The following NTRK2 variants were observed in gnomAD, a reference collection of about 807,000 sequenced individuals.
NTRK2 encodes the protein neurotrophic receptor tyrosine kinase 2.
In NTRK2, 13 loss-of-function variants were observed where a neutral mutation model predicts 94.5. The ratio of observed to expected loss-of-function variants is 0.14; its 90% CI spans 0.09 to 0.22. NTRK2 has a LOEUF of 0.22. Among genes scored for constraint, NTRK2 ranks in the 10% least tolerant of loss-of-function variants. The pLI is 1.00. For synonymous variants in NTRK2, 372 were observed against 407.4 expected, an observed-to-expected ratio of 0.91 and a Z score of 1.05; for missense variants, 639 against 1,071.2, an observed-to-expected ratio of 0.60 and a Z score of 5.63.
intron 2 of NTRK2, among the ~76,000 whole-genome samples, chr9:84,675,323 C>CTTTTTTTT (rs1564023863): frequency 1.4e-5 from 1 of 69,560 alleles, no homozygotes; most frequent in African/African-American, 5.6e-5. Context: ...TTCTTTCTTT[C>CTTTTTTTT]CTTTTTTTTT....
intron 17 of NTRK2, among the ~76,000 whole-genome samples, chr9:85,005,212 A>T (rs1830824615): frequency 6.6e-6 from 1 of 152,216 alleles, no homozygotes; most frequent in Admixed American, 6.5e-5. Context: ...TCCCTCCTGA[A>T]CAAGACTCAG....
intron 2 of NTRK2, among the ~76,000 whole-genome samples, chr9:84,686,536 G>A (rs1466590714): frequency 1.3e-5 from 2 of 152,216 alleles, no homozygotes; most frequent in African/African-American, 4.8e-5. Context: ...CACTTAAAAG[G>A]CAATTCTGGT....
At chr9:84,762,926 G>A (rs757186807) in intron 12 of NTRK2, among the ~76,000 whole-genome samples, 1 of 152,112 alleles carries the variant, frequency 6.6e-6, no homozygotes, top group Non-Finnish European at 1.5e-5. Context: ...GTGTGGCCTT[G>A]GTGGTAATTT....
In NTRK2 at chr9:85,021,273, G is replaced by T; in HGVS notation, c.2353G>T (p.Gly785Cys). The T allele has an allele frequency of 6.2e-7, 1 of 1,613,882 alleles. No individual in the cohort carries two copies. The highest frequency in any genetic ancestry group is 8.5e-7 in the Non-Finnish European group (1 of 1,179,980). The change falls in exon 19 of 19, where the codon GGC becomes TGC. Residue 785 changes from glycine (G) to cysteine (C), a missense_variant. By Grantham distance (159) the Gly-to-Cys change is radical (BLOSUM62 -3). Transcript: ENST00000277120. The stretch of plus-strand genomic sequence containing the variant: ...CCAGGTGATAGAGTGTATCACTCAG[G>T]GCCGAGTCCTGCAGCGACCCCGCAC... ...NNEVIECITQ[G>C]RVLQRPRTCP...
At chr9:84,867,169 A>C in intron 13 of NTRK2, 74 bp from the exon 14 acceptor site, 1 of 1,449,634 alleles carries the variant, frequency 6.9e-7, no homozygotes. Context: ...TAAATGGGTA[A>C]ATTTTATGTA....
At chr9:84,734,869 A>T (rs61229942) in intron 9 of NTRK2, among the ~76,000 whole-genome samples, 58 of 152,244 alleles carry the variant, frequency 3.8e-4, no homozygotes, top group African/African-American at 1.2e-3. Context: ...CCCTTTAAGG[A>T]GAAAATTAAG....
At chr9:84,797,838 A>G (rs1315206597) in intron 12 of NTRK2, among the ~76,000 whole-genome samples, 1 of 97,732 alleles carries the variant, frequency 1.0e-5, no homozygotes, top group Non-Finnish European at 1.9e-5. Flanking sequence ...ATAATAATAT[A>G]TATATTATAT....
intron 2 of NTRK2, among the ~76,000 whole-genome samples, chr9:84,699,812 C>T (rs1380340569): frequency 6.6e-6 from 1 of 151,778 alleles, no homozygotes; most frequent in East Asian, 1.9e-4. Flanking sequence ...GACATCTCTA[C>T]CCCTGTCTTT....
rs4877888 is a variant in NTRK2, at chr9:84,932,663, C to T, written c.1634-1499C>T. Among the ~76,000 whole-genome samples the T allele has an allele frequency of 8.9e-3, 1,362 of 152,270 alleles. 14 individuals are homozygous for T. The highest frequency in any genetic ancestry group is 0.018 in the Admixed American group (270 of 15,298). On this transcript the variant is annotated intron_variant, in intron 14 of 18. Transcript: ENST00000277120. Reference sequence around the variant, plus strand: ...GAGGCATCAGGAGATATTTAGGGCTCGGTCTTAACCTTGGGAGCTTACAGA... The same window carrying T: ...GAGGCATCAGGAGATATTTAGGGCTTGGTCTTAACCTTGGGAGCTTACAGA...
chr9:84,959,088 T>A (rs772897839), intron 17 of NTRK2, among the ~76,000 whole-genome samples: 1 of 152,188 alleles, frequency 6.6e-6, no homozygotes, highest in African/African-American at 2.4e-5. Context: ...TAATGTGTTC[T>A]CCTTATGATT....
At chr9:84,740,738 CT>C (rs1211145554) in intron 9 of NTRK2, among the ~76,000 whole-genome samples, 1 of 152,190 alleles carries the variant, frequency 6.6e-6, no homozygotes, top group Non-Finnish European at 1.5e-5. Flanking sequence ...TTTTTTTTCC[CT>C]GCTAAAATAG....
intron 12 of NTRK2, among the ~76,000 whole-genome samples, chr9:84,821,133 A>T (rs910305624): frequency 3.3e-5 from 5 of 151,860 alleles, no homozygotes; most frequent in Admixed American, 6.6e-5. Context: ...ATCTTTTTTT[A>T]AAAAAATCAT....
At chr9:84,962,488 C>G (rs1825061438) in intron 17 of NTRK2, among the ~76,000 whole-genome samples, 1 of 151,250 alleles carries the variant, frequency 6.6e-6, no homozygotes, top group Non-Finnish European at 1.5e-5. Context: ...CTTGTGTCCC[C>G]TTTTTTTTTG....
At chr9:84,895,808 C>A (rs1171661663) in intron 14 of NTRK2, among the ~76,000 whole-genome samples, 1 of 152,196 alleles carries the variant, frequency 6.6e-6, no homozygotes, top group African/African-American at 2.4e-5. Flanking sequence ...GGCTTGCTTG[C>A]TGCATGGAGG....
chr9:84,821,603 G>A (rs998868712), intron 12 of NTRK2, among the ~76,000 whole-genome samples: 2 of 152,188 alleles, frequency 1.3e-5, no homozygotes, highest in African/African-American at 4.8e-5. Flanking sequence ...GCTCCAAGAT[G>A]TAAGGATTGA....
rs566783669 is a variant in NTRK2 at position 84,784,470 on chromosome 9, G to A, written c.1396+32385G>A. On this transcript the variant is annotated intron_variant, in intron 12 of 18. Transcript: ENST00000277120. ...GGTACTCTTTCTTCATGGTGCTGTG[G>A]TGGAAGTGAAATTAGATTATGCATG... Among the ~76,000 whole-genome samples, 3 of 152,266 alleles carry A rather than the reference G, an allele frequency of 2.0e-5. No homozygotes were observed. In the East Asian group the frequency reaches 5.8e-4, roughly 29 times the overall value.
At chr9:84,756,348 G>A (rs2065083415) in intron 12 of NTRK2, among the ~76,000 whole-genome samples, 2 of 152,182 alleles carry the variant, frequency 1.3e-5, no homozygotes, top group South Asian at 2.1e-4. Context: ...CACTGAAGAC[G>A]TAGGAGTGCA....
Position 84,727,889 on chromosome 9 carries a change from C to T in NTRK2, c.1089C>T (p.Ala363=), listed in dbSNP as rs2229908. 1 of 1,614,018 alleles carries T rather than the reference C, an allele frequency of 6.2e-7. No individual in the cohort carries two copies. Among genetic ancestry groups the T allele is most frequent in the South Asian group, 1.1e-5 (1 of 91,084 alleles). The stretch of plus-strand genomic sequence containing the variant: ...ACAATGGGGACTACACTCTAATAGC[C>T]AAGAATGAGTATGGGAAGGATGAGA... ...HMNNGDYTLI[A]KNEYGKDEKQ... The change falls in exon 9 of 19, where the codon GCC becomes GCT. Residue 363 remains alanine, a synonymous_variant. Coordinates refer to ENST00000277120, the MANE Select transcript of NTRK2 (RefSeq NM_006180.6).
intron 17 of NTRK2, among the ~76,000 whole-genome samples, chr9:85,011,670 C>T (rs925866644): frequency 6.6e-6 from 1 of 152,178 alleles, no homozygotes; most frequent in African/African-American, 2.4e-5. Flanking sequence ...CTTCTAGCCT[C>T]TAAAACTGTA....
Sources: allele counts gnomAD v4.1 joint callset (sites outside exome capture counted in the v4.1 genomes callset), GRCh38; gene constraint gnomAD v4.1.1; transcripts MANE v1.5; gene names NCBI Gene and HGNC (gene_info 2026-07-23, HGNC 2026-07-21).